SEMA3A: variants seen among roughly 807,000 people sequenced by gnomAD.
The protein encoded by SEMA3A is semaphorin-3A.
In SEMA3A, 29 loss-of-function variants were observed where a neutral mutation model predicts 97.9. That is an observed-to-expected ratio of 0.30 (90% CI 0.22 to 0.40). SEMA3A has a LOEUF of 0.40. Ranked by LOEUF, SEMA3A falls within the 10% of genes least tolerant of loss-of-function variation. The pLI is 1.00. For missense variants in SEMA3A, 763 were observed against 951.3 expected, an observed-to-expected ratio of 0.80 and a Z score of 2.60; for synonymous variants, 321 against 323.7, an observed-to-expected ratio of 0.99 and a Z score of 0.09.
At chr7:84,000,169 A>AT (rs1359838589) in intron 12 of SEMA3A, among the ~76,000 whole-genome samples, 14 of 152,236 alleles carry the variant, frequency 9.2e-5, no homozygotes, top group Non-Finnish European at 1.9e-4. Context: ...TATAGTGGCC[A>AT]ACAGAGTCCA....
chr7:84,251,847 A>G (rs1296190304), intron 3 of SEMA3A, among the ~76,000 whole-genome samples: 1 of 152,166 alleles, frequency 6.6e-6, no homozygotes, highest in Non-Finnish European at 1.5e-5. Context: ...TACTCATGTG[A>G]GCTACTGATT....
At chr7:84,329,865 G>T (rs1801871155) in intron 2 of SEMA3A, among the ~76,000 whole-genome samples, 1 of 151,860 alleles carries the variant, frequency 6.6e-6, no homozygotes, top group Admixed American at 6.6e-5. Context: ...GGTCTCTCTG[G>T]CCTTGAAATA....
chr7:84,007,851 G>A (rs1790728778), intron 9 of SEMA3A, among the ~76,000 whole-genome samples: 1 of 151,966 alleles, frequency 6.6e-6, no homozygotes, highest in African/African-American at 2.4e-5. Context: ...TTAAAATGTT[G>A]GTTAAGTCTC....
intron 1 of SEMA3A, among the ~76,000 whole-genome samples, chr7:84,423,121 A>C (rs1562941742): frequency 6.6e-6 from 1 of 152,100 alleles, no homozygotes; most frequent in Non-Finnish European, 1.5e-5. Flanking sequence ...TACAATATTT[A>C]TTGTAACAAT....
intron 1 of SEMA3A, among the ~76,000 whole-genome samples, chr7:84,377,500 T>C (rs149088259): frequency 6.6e-6 from 1 of 152,208 alleles, no homozygotes; most frequent in Non-Finnish European, 1.5e-5. Flanking sequence ...TTTGGGTTAC[T>C]ATAGCTTTGT....
rs11560406 is a variant in SEMA3A, at chr7:84,378,295, A to T, written c.-245-6395T>A. 0.012 allele frequency among the ~76,000 whole-genome samples: 1,874 copies of T among 152,226 alleles called. 76 individuals carry two copies. The East Asian group carries it at 0.16, about 13-fold the overall frequency. On this transcript the variant is annotated intron_variant, in intron 1 of 3. Transcript: ENST00000424555. Reference sequence around the variant, plus strand: ...AGTGGCACTATTTACAATAGCAAAGACTTGGAACCAACCCAAATGCCCATC... The same window carrying T: ...AGTGGCACTATTTACAATAGCAAAGTCTTGGAACCAACCCAAATGCCCATC...
chr7:84,357,681 T>G (rs1428444515), intron 2 of SEMA3A, among the ~76,000 whole-genome samples: 1 of 151,840 alleles, frequency 6.6e-6, no homozygotes, highest in African/African-American at 2.4e-5. Context: ...AGATAGTATT[T>G]CTAGTTCTAG....
rs908977461 is a variant in SEMA3A, at chr7:84,204,165, A to AT, written c.-82-9498dup. Reference sequence around the variant, plus strand: ...TAGTGTCTCCCAATGGTAATATTCTATTTTTTTAATTTAAAAATTAAGAAC... The same window carrying AT: ...TAGTGTCTCCCAATGGTAATATTCTATTTTTTTTAATTTAAAAATTAAGAAC... On this transcript the variant is annotated intron_variant, in intron 3 of 3. Transcript: ENST00000424555. Among the ~76,000 whole-genome samples, 17 of 152,170 alleles carry AT rather than the reference A, an allele frequency of 1.1e-4. No homozygotes were observed. The South Asian group carries it at 2.9e-3, about 26-fold the overall frequency.
intron 3 of SEMA3A, among the ~76,000 whole-genome samples, chr7:84,278,270 T>C (rs556484820): frequency 4.4e-4 from 67 of 152,242 alleles, no homozygotes; most frequent in Admixed American, 3.1e-3. Flanking sequence ...GTCTGAGACC[T>C]CCTCAGCCTA....
chr7:84,257,503 T>C (rs944973938), intron 3 of SEMA3A, among the ~76,000 whole-genome samples: 2 of 152,182 alleles, frequency 1.3e-5, no homozygotes, highest in Non-Finnish European at 2.9e-5. Context: ...TCAGGTAACA[T>C]TTAAAGTATT....
intron 3 of SEMA3A, among the ~76,000 whole-genome samples, chr7:84,120,222 T>C (rs935225178): frequency 4.6e-5 from 7 of 152,152 alleles, no homozygotes; most frequent in African/African-American, 1.4e-4. Flanking sequence ...AATACCAACC[T>C]ATTTGGCTGT....
chr7:83,965,668 T>TATA (rs1562943642), intron 15 of SEMA3A, among the ~76,000 whole-genome samples: 10 of 22,398 alleles, frequency 4.5e-4, no homozygotes, highest in Non-Finnish European at 6.5e-4. Context: ...ATATATATAT[T>TATA]TTTTTTTTTT....
At chr7:83,992,642 T>A (rs1193861528) in intron 12 of SEMA3A, among the ~76,000 whole-genome samples, 5 of 151,722 alleles carry the variant, frequency 3.3e-5, no homozygotes, top group African/African-American at 1.2e-4. Context: ...AGTGAGATTC[T>A]TAATCCTGAG....
intron 3 of SEMA3A, among the ~76,000 whole-genome samples, chr7:84,294,365 T>C (rs1284665828): frequency 1.3e-5 from 2 of 152,074 alleles, no homozygotes; most frequent in Non-Finnish European, 2.9e-5. Context: ...AGTTTCCTAC[T>C]AGTAAGCTTT....
At chr7:84,254,370 G>A (rs530010516) in intron 3 of SEMA3A, among the ~76,000 whole-genome samples, 1 of 152,188 alleles carries the variant, frequency 6.6e-6, no homozygotes, top group African/African-American at 2.4e-5. Flanking sequence ...CTTGAGTTGG[G>A]TTGCTAAAGT....
At chr7:84,419,481 TACTTCAAA>T (rs1804527364) in intron 1 of SEMA3A, among the ~76,000 whole-genome samples, 1 of 150,316 alleles carries the variant, frequency 6.7e-6, no homozygotes, top group Non-Finnish European at 1.5e-5. Flanking sequence ...GCAATGGGTA[TACTTCAAA>T]ACATTGTAAG....
intron 1 of SEMA3A, among the ~76,000 whole-genome samples, chr7:84,376,388 G>A (rs915013141): frequency 8.6e-6 from 1 of 115,844 alleles, no homozygotes; most frequent in East Asian, 3.7e-4. Context: ...GGATCACGAG[G>A]TCAGGAGATC....
chr7:84,114,857 G>A (rs572718393), intron 3 of SEMA3A, among the ~76,000 whole-genome samples: 2 of 151,858 alleles, frequency 1.3e-5, no homozygotes, highest in East Asian at 1.9e-4. Flanking sequence ...CACTAAAGGA[G>A]GTTAGAAATC....
At chr7:84,120,948 T>TA (rs1166363914) in intron 3 of SEMA3A, among the ~76,000 whole-genome samples, 1 of 152,140 alleles carries the variant, frequency 6.6e-6, no homozygotes, top group Non-Finnish European at 1.5e-5. Context: ...GAGGGTCAGG[T>TA]AATACCTATA....
Sources: gnomAD v4.1 joint callset for allele counts (sites outside exome capture counted in the v4.1 genomes callset) on GRCh38, gnomAD v4.1.1 for gene constraint, MANE v1.5 for transcripts, NCBI Gene and HGNC (gene_info 2026-07-23, HGNC 2026-07-21) for gene names.